Variants in SFSWAP observed in about 807,000 individuals in gnomAD.
SFSWAP encodes the protein splicing factor, suppressor of white-apricot homolog.
In SFSWAP, 17 loss-of-function variants were observed where a neutral mutation model predicts 100.7. The ratio of observed to expected loss-of-function variants is 0.17; its 90% CI spans 0.12 to 0.25. The LOEUF (loss-of-function observed/expected upper bound fraction) is 0.25. Among genes scored for constraint, SFSWAP ranks in the 10% least tolerant of loss-of-function variants. SFSWAP has a pLI of 1.00. For synonymous variants in SFSWAP, 504 were observed against 510.1 expected, an observed-to-expected ratio of 0.99 and a Z score of 0.16; for missense variants, 1,005 against 1,262.6, an observed-to-expected ratio of 0.80 and a Z score of 3.09.
chr12:131,714,871 C>T lies in SFSWAP; in HGVS notation c.438C>T (p.Tyr146=). The change falls in exon 3 of 18, where the codon TAC becomes TAT. Residue 146 remains tyrosine, a synonymous_variant. Coordinates refer to ENST00000261674, the MANE Select transcript of SFSWAP (RefSeq NM_004592.4). This position sits in a 1 kb window ranked among gnomAD's most constrained non-coding sequence, Gnocchi z 6.0. ...AAGCACTAGCAGAGGATGGGAGCTACAATGCCGTGGGGTTCACTTACGGTA... is the reference window on the plus strand; with the variant it reads ...AAGCACTAGCAGAGGATGGGAGCTATAATGCCGTGGGGTTCACTTACGGTA... The part of the protein sequence containing the change: ...LSEALAEDGS[Y]NAVGFTYGSD... 8.1e-6 allele frequency: 13 copies of T among 1,614,128 alleles called. No individual in the cohort carries two copies. Among genetic ancestry groups the T allele is most frequent in the Non-Finnish European group, 1.1e-5 (13 of 1,179,982 alleles).
chr12:131,788,533 T>TC (rs1469801590), intron 15 of SFSWAP, among the ~76,000 whole-genome samples: 1 of 148,544 alleles, frequency 6.7e-6, no homozygotes, highest in East Asian at 2.0e-4. Flanking sequence ...TTGGGGGCGT[T>TC]TTTTTTTTTT....
intron 4 of SFSWAP, among the ~76,000 whole-genome samples, chr12:131,722,001 G>A (rs1878521320): frequency 6.6e-6 from 1 of 152,154 alleles, no homozygotes; most frequent in Non-Finnish European, 1.5e-5. Flanking sequence ...CCATGTTAGT[G>A]GAGAAAATGT....
intron 11 of SFSWAP, among the ~76,000 whole-genome samples, chr12:131,759,815 A>G (rs961836671): frequency 9.9e-5 from 15 of 151,922 alleles, no homozygotes; most frequent in Non-Finnish European, 7.4e-5. Context: ...AAAAAAAAAA[A>G]GAAAAAAGAA....
At chr12:131,728,768 A>G (rs534629167) in intron 7 of SFSWAP, among the ~76,000 whole-genome samples, 71 of 149,718 alleles carry the variant, frequency 4.7e-4, no homozygotes, top group Non-Finnish European at 8.7e-4. Flanking sequence ...GGATGCAAGC[A>G]TGGTTCACGG....
At chr12:131,728,210 C>A in intron 6 of SFSWAP, 83 bp from the exon 7 acceptor site, 1 of 1,513,846 alleles carries the variant, frequency 6.6e-7, no homozygotes. Flanking sequence ...TACACTGAGT[C>A]CTAAAGGTGA....
intron 6 of SFSWAP, among the ~76,000 whole-genome samples, chr12:131,727,862 A>G (rs1322906209): frequency 5.3e-5 from 8 of 152,230 alleles, no homozygotes; most frequent in East Asian, 3.8e-4. Context: ...ACAGGAGTCT[A>G]TTAGATTTAA....
intron 7 of SFSWAP, among the ~76,000 whole-genome samples, chr12:131,740,295 G>A (rs938203099): frequency 2.6e-5 from 4 of 152,120 alleles, no homozygotes; most frequent in African/African-American, 4.8e-5. Context: ...GCACCGAGTC[G>A]CTTGCCTAGG....
At chr12:131,722,720 G>A (rs1878595408) in intron 4 of SFSWAP, among the ~76,000 whole-genome samples, 1 of 151,906 alleles carries the variant, frequency 6.6e-6, no homozygotes, top group Non-Finnish European at 1.5e-5. Flanking sequence ...GGCCGAGGTG[G>A]GAGAATCGCT....
At chr12:131,729,434 G>A (rs1879297309) in intron 7 of SFSWAP, among the ~76,000 whole-genome samples, 1 of 152,170 alleles carries the variant, frequency 6.6e-6, no homozygotes, top group Non-Finnish European at 1.5e-5. Context: ...GCCCCAGGAG[G>A]TTAAGGCTGC....
At chr12:131,767,709 TA>T (rs1279837086) in intron 13 of SFSWAP, among the ~76,000 whole-genome samples, 1 of 152,166 alleles carries the variant, frequency 6.6e-6, no homozygotes, top group African/African-American at 2.4e-5. Flanking sequence ...TCTCTCTCTT[TA>T]AAAAAATGAA....
At chr12:131,722,610 T>C (rs573957578) in intron 4 of SFSWAP, among the ~76,000 whole-genome samples, 1 of 152,258 alleles carries the variant, frequency 6.6e-6, no homozygotes, top group East Asian at 1.9e-4. Flanking sequence ...TACCAGACAG[T>C]GTACTAAGTG....
intron 17 of SFSWAP, 147 bp downstream of exon 17, chr12:131,799,256 G>A (rs77439309): frequency 9.9e-6 from 10 of 1,010,334 alleles, no homozygotes; most frequent in African/African-American, 6.4e-5. Flanking sequence ...GGGTGAGGCC[G>A]AGGGCAAAGC....
rs770146435 is a variant in SFSWAP, at chr12:131,786,509, C to T, written c.2455C>T (p.Arg819Trp). Residue 819 changes from arginine (R) to tryptophan (W), a missense_variant, in exon 15 of 18, where the codon CGG becomes TGG. This residue lies in a region of SFSWAP where 295 missense variants were observed against 347.9 expected (regional missense o/e 0.85). Coordinates refer to ENST00000261674, the MANE Select transcript of SFSWAP (RefSeq NM_004592.4). Reference protein sequence around the residue: ...PRRRAHSPERRREERSVPTAY... With the variant: ...PRRRAHSPERWREERSVPTAY... ...GAGGAGAGCCCACTCCCCTGAGAGA[C>T]GGAGGGAAGAGAGGAGTGTGCCCAC... is the stretch of plus-strand genomic sequence containing the variant. The T allele has an allele frequency of 1.2e-5, 19 of 1,586,538 alleles. No homozygotes were observed. The highest frequency in any genetic ancestry group is 1.3e-5 in the Non-Finnish European group (15 of 1,167,484).
intron 7 of SFSWAP, among the ~76,000 whole-genome samples, chr12:131,740,072 G>T (rs1156991131): frequency 6.6e-6 from 1 of 152,178 alleles, no homozygotes; most frequent in Admixed American, 6.5e-5. Context: ...GGGTAATGCT[G>T]TGGGCCTCTC....
At chr12:131,751,873 CT>C (rs1249395829) in intron 7 of SFSWAP, among the ~76,000 whole-genome samples, 33 of 152,222 alleles carry the variant, frequency 2.2e-4, no homozygotes, top group Non-Finnish European at 4.6e-4. Context: ...TCAGATATAT[CT>C]GTGTTGACGA....
chr12:131,766,459 T>C, intron 13 of SFSWAP, 151 bp downstream of exon 13: 1 of 721,248 alleles, frequency 1.4e-6, no homozygotes, highest in South Asian at 1.8e-5. Flanking sequence ...TGGCTTTTAC[T>C]CTATAGCAGT....
chr12:131,725,413 C>G lies in SFSWAP; in HGVS notation c.615C>G (p.Thr205=), dbSNP rs114853394. 1 of 1,614,060 alleles carries G rather than the reference C, an allele frequency of 6.2e-7. No individual in the cohort carries two copies. The highest frequency in any genetic ancestry group is 8.5e-7 in the Non-Finnish European group (1 of 1,179,992). The part of the protein sequence containing the change: ...SVPSDVELPP[T]AKMHAIIERT... ...TGTGTGTTTTCCCGTAGCCACCAAC[C>G]GCTAAAATGCACGCCATCATCGAGC... The change falls in exon 5 of 18, where the codon ACC becomes ACG. Residue 205 remains threonine, a synonymous_variant. Coordinates refer to ENST00000261674, the MANE Select transcript of SFSWAP (RefSeq NM_004592.4). The surrounding 1 kb of genome is among the most constrained non-coding windows in gnomAD (Gnocchi z 4.3).
At chr12:131,764,887 A>G (rs1300492433) in intron 12 of SFSWAP, among the ~76,000 whole-genome samples, 3 of 152,238 alleles carry the variant, frequency 2.0e-5, no homozygotes, top group Admixed American at 6.5e-5. Flanking sequence ...CTGAGCCTCA[A>G]ATGCAGTGCC....
intron 11 of SFSWAP, among the ~76,000 whole-genome samples, chr12:131,758,279 T>A (rs1882362087): frequency 6.6e-6 from 1 of 152,044 alleles, no homozygotes; most frequent in South Asian, 2.1e-4. Context: ...CAGCGTGACC[T>A]TCTCCACACT....
Sources: allele counts gnomAD v4.1 joint callset (sites outside exome capture counted in the v4.1 genomes callset), GRCh38; gene constraint gnomAD v4.1.1; regional missense constraint gnomAD v4.1.1; non-coding constraint Gnocchi (gnomAD v3.1); transcripts MANE v1.5; gene names NCBI Gene and HGNC (gene_info 2026-07-23, HGNC 2026-07-21).